Variants in DOCK4 observed in about 807,000 individuals in gnomAD.
The protein encoded by DOCK4 is dedicator of cytokinesis 4, also known as dedicator of cytokinesis protein 4.
A neutral mutation model predicts 268.1 loss-of-function variants in DOCK4; 97 were observed. That is an observed-to-expected ratio of 0.36 (90% CI 0.31 to 0.43). The LOEUF (loss-of-function observed/expected upper bound fraction) is 0.43. Among genes scored for constraint, DOCK4 ranks in the 20% least tolerant of loss-of-function variants. The pLI, the probability that DOCK4 is intolerant of heterozygous loss-of-function variation, is 1.00. For missense variants in DOCK4, 2,145 were observed against 2,455.7 expected (o/e 0.87, Z 2.67); for synonymous variants, 954 against 887.2 (o/e 1.08, Z -1.34).
chr7:112,169,297 C>G (rs1406406892), intron 1 of DOCK4, among the ~76,000 whole-genome samples: 3 of 152,096 alleles, frequency 2.0e-5, no homozygotes, highest in Non-Finnish European at 1.5e-5. Flanking sequence ...CATAAATTAC[C>G]CAGTCTCAGG....
intron 3 of DOCK4, 50 bp downstream of exon 3, chr7:112,000,444 T>C: frequency 9.0e-7 from 1 of 1,109,362 alleles, no homozygotes; most frequent in Non-Finnish European, 1.3e-6. Context: ...TTTAAATAAC[T>C]ATCTTTCTTA....
intron 12 of DOCK4, among the ~76,000 whole-genome samples, chr7:111,927,774 T>G (rs1562897543): frequency 6.6e-6 from 1 of 152,166 alleles, no homozygotes; most frequent in Non-Finnish European, 1.5e-5. Context: ...CAGGACACAT[T>G]ACCCTAAAAC....
intron 1 of DOCK4, among the ~76,000 whole-genome samples, chr7:112,187,078 T>C (rs1489645146): frequency 2.0e-5 from 3 of 152,180 alleles, no homozygotes; most frequent in Non-Finnish European, 4.4e-5. Flanking sequence ...CTAGCATTTA[T>C]CAGTTACCTT....
At chr7:111,754,177 C>A (rs548005044) in intron 42 of DOCK4, among the ~76,000 whole-genome samples, 1 of 152,164 alleles carries the variant, frequency 6.6e-6, no homozygotes, top group East Asian at 1.9e-4. Flanking sequence ...TAGCAGTCTC[C>A]CCACTTCCAT....
At chr7:111,867,162 C>A (rs570941387) in intron 22 of DOCK4, among the ~76,000 whole-genome samples, 1 of 152,290 alleles carries the variant, frequency 6.6e-6, no homozygotes, top group East Asian at 1.9e-4. Flanking sequence ...GGTGCATTCC[C>A]GGTGTTTTGC....
At chr7:112,144,789 C>G (rs1196058441) in intron 1 of DOCK4, among the ~76,000 whole-genome samples, 1 of 152,194 alleles carries the variant, frequency 6.6e-6, no homozygotes, top group East Asian at 1.9e-4. Flanking sequence ...TACCACATCT[C>G]TAAAGCACAC....
In DOCK4 at chr7:111,727,490, T is replaced by C. The variant is rs1486681823; in HGVS notation, c.*784A>G. 6.6e-6 allele frequency: 1 copy of C among 152,668 alleles called. No homozygotes were observed. Among genetic ancestry groups the C allele is most frequent in the East Asian group, 1.9e-4 (1 of 5,194 alleles). The allele number at this position is 152,668 out of a possible 1,614,324, so 9.5% of individuals were successfully genotyped here. A position where few individuals can be genotyped will look rare whatever the true frequency, so the allele number is the denominator to read the frequency against. ...TGCTCTTGTTCAATGACAAATTTTA[T>C]ATAGGAAACTATCAAGAAAGGAAGC... On this transcript the variant is annotated 3_prime_UTR_variant, in exon 53 of 53. Coordinates refer to ENST00000428084, the MANE Select transcript of DOCK4 (RefSeq NM_001363540.2).
chr7:112,009,497 TTGAA>T (rs1801121090), intron 1 of DOCK4, among the ~76,000 whole-genome samples: 1 of 152,220 alleles, frequency 6.6e-6, no homozygotes, highest in Non-Finnish European at 1.5e-5. Flanking sequence ...TTGTAAAATA[TTGAA>T]CACTGGTCTG....
intron 1 of DOCK4, among the ~76,000 whole-genome samples, chr7:112,045,243 T>G (rs2135526306): frequency 6.6e-6 from 1 of 152,328 alleles, no homozygotes; most frequent in East Asian, 1.9e-4. Context: ...CCCCCAGATA[T>G]TTGAGTGACT....
At position 111,741,158 on chromosome 7, in the gene DOCK4, G is replaced by A; in HGVS notation, c.4976C>T (p.Ala1659Val). The change falls in exon 47 of 53, where the codon GCT (alanine) becomes GTT (valine). Residue 1659 changes from alanine to valine, a missense_variant. Transcript: ENST00000428084. Reference sequence around the variant, plus strand: ...TGTAATATTGCTTACTTCAGCAGAAGCTTGTGAGGACAGTGAGGAGGAAGA... The same window carrying A: ...TGTAATATTGCTTACTTCAGCAGAAACTTGTGAGGACAGTGAGGAGGAAGA... ...RYSSSSLSSQ[A>V]SAEVSNITGQ... The A allele has an allele frequency of 6.2e-7, 1 of 1,613,980 alleles. No individual in the cohort carries two copies. Among genetic ancestry groups the A allele is most frequent in the Non-Finnish European group, 8.5e-7 (1 of 1,179,888 alleles).
At chr7:111,929,243 T>A (rs1053163053) in intron 12 of DOCK4, among the ~76,000 whole-genome samples, 1 of 152,162 alleles carries the variant, frequency 6.6e-6, no homozygotes, top group Non-Finnish European at 1.5e-5. Context: ...ATCAAATTCA[T>A]TAATGTTGCG....
chr7:111,945,752 G>T lies in DOCK4; in HGVS notation c.748C>A (p.Pro250Thr). 1 of 1,599,398 alleles carries T rather than the reference G, an allele frequency of 6.3e-7. No homozygotes were observed. Among genetic ancestry groups the T allele is most frequent in the Non-Finnish European group, 8.5e-7 (1 of 1,172,642 alleles). Residue 250 changes from proline to threonine, a missense_variant, in exon 9 of 53, where the codon CCT (proline) becomes ACT (threonine). Physicochemically the swap from Pro to Thr is conservative, Grantham distance 38. Transcript: ENST00000428084. ...RLNRNGLPKAPDKPERHCSLF... is the reference protein window; with the variant it reads ...RLNRNGLPKATDKPERHCSLF... ...GAGCAATGTCGTTCCGGTTTATCAG[G>T]GGCTTTGGGAAGCCCGTTTCTATTC...
At chr7:111,753,268 A>G (rs1324067370) in intron 42 of DOCK4, among the ~76,000 whole-genome samples, 1 of 152,162 alleles carries the variant, frequency 6.6e-6, no homozygotes, top group Non-Finnish European at 1.5e-5. Flanking sequence ...TCAGCCCAGG[A>G]GCTCAAGACT....
intron 1 of DOCK4, among the ~76,000 whole-genome samples, chr7:112,042,468 G>A (rs150435980): frequency 6.6e-6 from 1 of 152,240 alleles, no homozygotes; most frequent in African/African-American, 2.4e-5. Context: ...AGACAGCAAA[G>A]GTTAATAAAA....
At chr7:111,835,032 T>C (rs1313102823) in intron 25 of DOCK4, among the ~76,000 whole-genome samples, 3 of 152,186 alleles carry the variant, frequency 2.0e-5, no homozygotes, top group Non-Finnish European at 2.9e-5. Context: ...TTAACATGTC[T>C]GTAATAATTC....
intron 8 of DOCK4, among the ~76,000 whole-genome samples, chr7:111,962,144 C>A (rs527288399): frequency 2.0e-5 from 3 of 152,194 alleles, no homozygotes; most frequent in African/African-American, 7.2e-5. Context: ...CCTCTGATTC[C>A]ATTTTACCTT....
chr7:111,728,773 C>T lies in DOCK4; in HGVS notation c.5482-53G>A, dbSNP rs1794853539. 6 of 1,509,240 alleles carry T rather than the reference C, an allele frequency of 4.0e-6. No individual in the cohort carries two copies. The South Asian group carries it at 5.0e-5, about 13-fold the overall frequency. 93.5% of individuals were successfully genotyped at this position (1,509,240 alleles called of 1,614,324 possible). ...GAGACACAGCATTGAGTCGTGAACG[C>T]AGATGCGCTGAAATGTACGCCCCGA... On this transcript the variant is annotated intron_variant, in intron 52 of 52. Coordinates refer to ENST00000428084, the MANE Select transcript of DOCK4 (RefSeq NM_001363540.2).
chr7:111,734,337 C>T lies in DOCK4; in HGVS notation c.5419+717G>A, dbSNP rs1299184042. 2.6e-5 allele frequency among the ~76,000 whole-genome samples: 4 copies of T among 152,242 alleles called. 1 individual carries two copies. The Middle Eastern group carries it at 0.01, about 388-fold the overall frequency. On this transcript the variant is annotated intron_variant, in intron 51 of 52. Transcript: ENST00000428084. Reference sequence around the variant, plus strand: ...AAGTAGCTGGGACTACAGGTGTGTACCACCACACCTGGCTAATTTTTATAT... The same window carrying T: ...AAGTAGCTGGGACTACAGGTGTGTATCACCACACCTGGCTAATTTTTATAT...
chr7:111,782,228 G>T (rs1585969271), intron 35 of DOCK4, among the ~76,000 whole-genome samples: 1 of 152,056 alleles, frequency 6.6e-6, no homozygotes, highest in East Asian at 1.9e-4. Flanking sequence ...TATAAATGTT[G>T]GCTTGCCCAG....
Sources: allele counts gnomAD v4.1 joint callset (sites outside exome capture counted in the v4.1 genomes callset), GRCh38; gene constraint gnomAD v4.1.1; transcripts MANE v1.5; gene names NCBI Gene and HGNC (gene_info 2026-07-23, HGNC 2026-07-21).